RASSF5: variants seen among roughly 807,000 people sequenced by gnomAD.
The protein encoded by RASSF5 is ras association domain-containing protein 5.
Under a neutral mutation model 40.5 loss-of-function variants are expected in RASSF5, and 25 were observed. That is an observed-to-expected ratio of 0.62 (90% confidence interval 0.45 to 0.86). RASSF5 has a LOEUF of 0.86. Among genes scored for constraint, RASSF5 ranks in the 40% least tolerant of loss-of-function variants. The pLI is 0.00. For missense variants in RASSF5, 521 were observed against 572.8 expected (o/e 0.91, Z 0.92); for synonymous variants, 246 against 252.4 (o/e 0.97, Z 0.24).
intron 2 of RASSF5, chr1:206,557,727 TG>T (rs782494932): frequency 1.7e-5 from 27 of 1,607,778 alleles, no homozygotes; most frequent in Non-Finnish European, 2.0e-5. Flanking sequence ...GAGCCTTTCG[TG>T]GGGGGAAATA....
At chr1:206,556,265 G>A (rs2210517) in intron 2 of RASSF5, among the ~76,000 whole-genome samples, 38,244 of 152,184 alleles carry the variant, frequency 0.25, 4,906 homozygotes, top group Middle Eastern at 0.4. Context: ...CCCAGCACAC[G>A]TGTTCTACCT....
At chr1:206,565,173 C>T (rs1383820991) in intron 2 of RASSF5, among the ~76,000 whole-genome samples, 1 of 152,186 alleles carries the variant, frequency 6.6e-6, no homozygotes, top group Non-Finnish European at 1.5e-5. Flanking sequence ...GTCTTCACCT[C>T]TTCTATTCAC....
intron 1 of RASSF5, among the ~76,000 whole-genome samples, chr1:206,537,027 C>G (rs1369863052): frequency 1.3e-5 from 2 of 152,200 alleles, no homozygotes; most frequent in Admixed American, 6.5e-5. Flanking sequence ...CCCCCACCCC[C>G]GCTCCCCTGC....
rs1166689428 is a variant in RASSF5, at chr1:206,513,635, TG to T, written c.457+5578del. Reference sequence around the variant, plus strand: ...TCTCCATGGCTGGGTGGGGAAGGGCTGGCGGCAGCTGGGAAGGCCGGGCCTG... The same window carrying T: ...TCTCCATGGCTGGGTGGGGAAGGGCTGCGGCAGCTGGGAAGGCCGGGCCTG... On this transcript the variant is annotated intron_variant, in intron 1 of 5. Coordinates refer to ENST00000579436, the MANE Select transcript of RASSF5 (RefSeq NM_182663.4). The surrounding 1 kb of genome is among the most constrained non-coding windows in gnomAD (Gnocchi z 5.0). 2.6e-5 allele frequency among the ~76,000 whole-genome samples: 4 copies of T among 152,198 alleles called. No homozygotes were observed. The highest frequency in any genetic ancestry group is 9.6e-5 in the African/African-American group (4 of 41,452).
At chr1:206,565,462 C>G (rs576880042) in intron 2 of RASSF5, among the ~76,000 whole-genome samples, 20 of 152,346 alleles carry the variant, frequency 1.3e-4, no homozygotes, top group Non-Finnish European at 2.5e-4. Flanking sequence ...CAGCACCTGG[C>G]CTCAGTCAGA....
At chr1:206,540,441 C>A (rs1280887809) in intron 2 of RASSF5, among the ~76,000 whole-genome samples, 4 of 152,264 alleles carry the variant, frequency 2.6e-5, no homozygotes, top group African/African-American at 9.6e-5. Context: ...AGAGCAGAAA[C>A]ACCACTGAAA....
chr1:206,582,679 T>C (rs79326248), intron 2 of RASSF5, among the ~76,000 whole-genome samples: 2,814 of 152,338 alleles, frequency 0.018, 66 homozygotes, highest in South Asian at 0.05. Context: ...TATTTACTTC[T>C]TGCTATGTGA....
chr1:206,541,706 G>C (rs971199667), intron 2 of RASSF5: 10 of 152,112 alleles, frequency 6.6e-5, no homozygotes, highest in African/African-American at 2.4e-4. Flanking sequence ...ATCGCTATTG[G>C]CTAAAGACCA....
At chr1:206,557,371 C>T in intron 2 of RASSF5, 1 of 1,344,390 alleles carries the variant, frequency 7.4e-7, no homozygotes, top group Non-Finnish European at 9.5e-7. Flanking sequence ...CCGGGCCGCC[C>T]GAGCGCTCGC....
In RASSF5 at chr1:206,531,813, G is replaced by A. The variant is rs150535726; in HGVS notation, c.458-6359G>A. Among the ~76,000 whole-genome samples, 1,424 of 152,132 alleles carry A rather than the reference G, an allele frequency of 9.4e-3. 22 individuals carry two copies. The highest frequency in any genetic ancestry group is 0.033 in the African/African-American group (1,362 of 41,488). ...AGAACTTTGGGAGGCCAAGGCAGGC[G>A]GATCACGAGGTCAGGAGATCGAGAG... On this transcript the variant is annotated intron_variant, in intron 1 of 5. Coordinates refer to ENST00000579436, the MANE Select transcript of RASSF5 (RefSeq NM_182663.4). The surrounding 1 kb of genome is among the most constrained non-coding windows in gnomAD (Gnocchi z 4.7).
chr1:206,575,423 T>G (rs1668603387), intron 2 of RASSF5, among the ~76,000 whole-genome samples: 1 of 152,190 alleles, frequency 6.6e-6, no homozygotes, highest in Non-Finnish European at 1.5e-5. Context: ...TTTGTTTTCT[T>G]GAGTTGTGTG....
chr1:206,587,569 C>T lies in RASSF5; in HGVS notation c.*591C>T, dbSNP rs1553407958. The T allele has an allele frequency of 6.3e-6, 1 of 157,510 alleles. No individual in the cohort carries two copies. The highest frequency in any genetic ancestry group is 1.9e-4 in the South Asian group (1 of 5,292). The allele number at this position is 157,510 out of a possible 1,614,324, so 9.8% of individuals were successfully genotyped here. On this transcript the variant is annotated 3_prime_UTR_variant, in exon 6 of 6. Coordinates refer to ENST00000579436, the MANE Select transcript of RASSF5 (RefSeq NM_182663.4). ...CCCCAGATGCTCAGGGTAAGGAGCA[C>T]CAAAGCTGAGGCTGGCTCAGAGATC...
At chr1:206,545,156 G>A (rs1235279450) in intron 2 of RASSF5, among the ~76,000 whole-genome samples, 1 of 152,058 alleles carries the variant, frequency 6.6e-6, no homozygotes, top group Non-Finnish European at 1.5e-5. Flanking sequence ...ATTGAACTGT[G>A]ACTGATAACA....
At chr1:206,523,927 CAT>C (rs1174590816) in intron 1 of RASSF5, among the ~76,000 whole-genome samples, 68 of 100,418 alleles carry the variant, frequency 6.8e-4, no homozygotes, top group African/African-American at 2.8e-3. Flanking sequence ...ATATATATAC[CAT>C]ATATAATATA....
chr1:206,528,003 T>G (rs1265272318), intron 1 of RASSF5, among the ~76,000 whole-genome samples: 2 of 152,180 alleles, frequency 1.3e-5, no homozygotes, highest in African/African-American at 4.8e-5. Context: ...ATCCAATGAG[T>G]TAAAAACTTA....
Sources: gnomAD v4.1 joint callset for allele counts (sites outside exome capture counted in the v4.1 genomes callset) on GRCh38, gnomAD v4.1.1 for gene constraint, Gnocchi (gnomAD v3.1) non-coding constraint, MANE v1.5 for transcripts, NCBI Gene and HGNC (gene_info 2026-07-23, HGNC 2026-07-21) for gene names.